POLDIP3: variants seen among roughly 807,000 people sequenced by gnomAD.
POLDIP3 encodes polymerase delta-interacting protein 3.
Under a neutral mutation model 45.1 loss-of-function variants are expected in POLDIP3, and 14 were observed. The observed-to-expected ratio is 0.31, with a 90% CI of 0.20 to 0.49. POLDIP3 has a LOEUF of 0.49. Among genes scored for constraint, POLDIP3 ranks in the 20% least tolerant of loss-of-function variants. The probability of loss-of-function intolerance (pLI) is 0.99; values close to 1 mark genes in which losing one functional copy is unlikely to be tolerated. For synonymous variants in POLDIP3, 223 were observed against 205.2 expected (o/e 1.09, Z -0.74); for missense variants, 511 against 538.8 (o/e 0.95, Z 0.51).
Position 42,603,158 on chromosome 22 carries a change from A to C in POLDIP3, c.62T>G (p.Leu21Arg), listed in dbSNP as rs1298264174. 1 of 1,612,998 alleles carries C rather than the reference A, an allele frequency of 6.2e-7. No homozygotes were observed. The highest frequency in any genetic ancestry group is 8.5e-7 in the Non-Finnish European group (1 of 1,179,208). ...ACCTCCAACTCCCGGTCTGGCATTAAGCCTGTAAATATAAATTGCAATCAA... is the reference window on the plus strand; with the variant it reads ...ACCTCCAACTCCCGGTCTGGCATTACGCCTGTAAATATAAATTGCAATCAA... ...RKRGAAAKGR[L>R]NARPGVGGVR... Residue 21 changes from leucine (L) to arginine (R), a missense_variant and splice_region_variant, in exon 2 of 9, where the codon CTT becomes CGT. Physicochemically the swap from Leu to Arg is moderately radical, Grantham distance 102. Around this residue, in one of 4 missense-constraint regions of POLDIP3, gnomAD observed 378 missense variants for 352.3 expected, o/e 1.07. Transcript: ENST00000252115.
In POLDIP3 at chr22:42,583,780, T is replaced by G. The variant is rs2146791903; in HGVS notation, c.*2011A>C. 1 of 152,548 alleles carries G rather than the reference T, an allele frequency of 6.6e-6. No individual in the cohort carries two copies. The highest frequency in any genetic ancestry group is 1.9e-4 in the East Asian group (1 of 5,180). The allele number at this position is 152,548 out of a possible 1,614,324, so 9.4% of individuals were successfully genotyped here. ...GTAATACATAATCACCCTTCATCTC[T>G]TAATGCCCCTTCCTCTCCTTCTGCA... On this transcript the variant is annotated 3_prime_UTR_variant, in exon 9 of 9. Transcript: ENST00000252115.
chr22:42,609,656 G>C (rs1014234637), intron 1 of POLDIP3, among the ~76,000 whole-genome samples: 2 of 152,140 alleles, frequency 1.3e-5, no homozygotes, highest in Non-Finnish European at 2.9e-5. Flanking sequence ...GGGAGGCAGA[G>C]GTTGCCATGA....
Position 42,584,336 on chromosome 22 carries a change from C to T in POLDIP3, c.*1455G>A, listed in dbSNP as rs41277253. On this transcript the variant is annotated 3_prime_UTR_variant, in exon 9 of 9. Coordinates refer to ENST00000252115, the MANE Select transcript of POLDIP3 (RefSeq NM_032311.5). ...GTCCTGGGCAGCCTCAGAGCCTGCA[C>T]ACTGAAGCTGGGTTCAAATCCTGGG... 22 of 158,376 alleles carry T rather than the reference C, an allele frequency of 1.4e-4. No individual in the cohort carries two copies. Among genetic ancestry groups the T allele is most frequent in the Admixed American group, 1.2e-3 (21 of 16,958 alleles). The allele number at this position is 158,376 out of a possible 1,614,324, so 9.8% of individuals were successfully genotyped here.
chr22:42,609,136 C>G (rs909761310), intron 1 of POLDIP3, among the ~76,000 whole-genome samples: 1 of 152,192 alleles, frequency 6.6e-6, no homozygotes, highest in Admixed American at 6.5e-5. Context: ...TTTACAAAGC[C>G]CAACCCCTGG....
chr22:42,611,623 G>A (rs1197023131), intron 1 of POLDIP3, among the ~76,000 whole-genome samples: 1 of 152,176 alleles, frequency 6.6e-6, no homozygotes, highest in African/African-American at 2.4e-5. Flanking sequence ...GCCAGGCACG[G>A]TGGCACTTTG....
At position 42,584,158 on chromosome 22, in the gene POLDIP3, C is replaced by A. The variant is rs890298525; in HGVS notation, c.*1633G>T. Reference sequence around the variant, plus strand: ...CAGGTCCTACTGCCTTCTGGATGCTCTCTTGGGCCAGGAAGGGAAAAGTGT... The same window carrying A: ...CAGGTCCTACTGCCTTCTGGATGCTATCTTGGGCCAGGAAGGGAAAAGTGT... On this transcript the variant is annotated 3_prime_UTR_variant, in exon 9 of 9. Transcript: ENST00000252115. 5 of 152,872 alleles carry A rather than the reference C, an allele frequency of 3.3e-5. No homozygotes were observed. The highest frequency in any genetic ancestry group is 1.2e-4 in the African/African-American group (5 of 41,450). The allele number at this position is 152,872 out of a possible 1,614,324, so 9.5% of individuals were successfully genotyped here.
At chr22:42,599,106 T>G (rs917949460) in intron 4 of POLDIP3, among the ~76,000 whole-genome samples, 2 of 152,150 alleles carry the variant, frequency 1.3e-5, no homozygotes, top group African/African-American at 4.8e-5. Context: ...GAACACAGAC[T>G]CCCCACTGTG....
chr22:42,600,143 G>A (rs4822173), intron 3 of POLDIP3, among the ~76,000 whole-genome samples: 17,441 of 152,174 alleles, frequency 0.11, 1,239 homozygotes, highest in Admixed American at 0.18. Context: ...CCTAGAAAGA[G>A]CTTTATTTAC....
chr22:42,602,942 T>C lies in POLDIP3; in HGVS notation c.278A>G (p.Asp93Gly). The C allele has an allele frequency of 6.2e-7, 1 of 1,614,084 alleles. No homozygotes were observed. Among genetic ancestry groups the C allele is most frequent in the Non-Finnish European group, 8.5e-7 (1 of 1,180,018 alleles). The change falls in exon 2 of 9, where the codon GAT becomes GGT. Residue 93 changes from aspartate to glycine, a missense_variant. By Grantham distance (94) the Asp-to-Gly change is moderately conservative (BLOSUM62 -1). Around this residue, in one of 4 missense-constraint regions of POLDIP3, gnomAD observed 378 missense variants for 352.3 expected, o/e 1.07. Transcript: ENST00000252115. ...ARFRIKGKVQ[D>G]AREMLNSRKQ... is the part of the protein sequence containing the mutation. ...GCGAGAGTTCAACATCTCTCTGGCA[T>C]CCTGCACTTTCCCTTTGATTCGAAA...
intron 1 of POLDIP3, among the ~76,000 whole-genome samples, chr22:42,614,232 G>A (rs1254942509): frequency 1.3e-5 from 2 of 152,198 alleles, no homozygotes; most frequent in East Asian, 1.9e-4. Flanking sequence ...GCAGACAACA[G>A]GACTGTAAAA....
At chr22:42,608,262 C>T (rs538394885) in intron 1 of POLDIP3, among the ~76,000 whole-genome samples, 1 of 131,162 alleles carries the variant, frequency 7.6e-6, no homozygotes, top group Non-Finnish European at 1.6e-5. Context: ...TACCCCCCCC[C>T]CCAAAAAAAA....
intron 3 of POLDIP3, among the ~76,000 whole-genome samples, chr22:42,601,690 G>A (rs1230920703): frequency 1.3e-5 from 2 of 152,224 alleles, no homozygotes; most frequent in East Asian, 3.8e-4. Context: ...GAACCCGGGA[G>A]GCAGAGGTTG....
intron 4 of POLDIP3, 44 bp downstream of exon 4, chr22:42,599,654 T>C (rs755008417): frequency 4.6e-5 from 65 of 1,411,118 alleles, no homozygotes; most frequent in Non-Finnish European, 6.3e-5. Context: ...CTCTCCCACC[T>C]GCCTGATCAG....
chr22:42,599,702 T>C lies in POLDIP3; in HGVS notation c.629A>G (p.His210Arg). 4 of 1,597,898 alleles carry C rather than the reference T, an allele frequency of 2.5e-6. No homozygotes were observed. The highest frequency in any genetic ancestry group is 3.4e-6 in the Non-Finnish European group (4 of 1,165,470). ...KFAASGGFLH[H>R]MAGLSSSKLS... ...AGAAAACATGAAATGCCATACCATG[T>C]GGTGGAGAAAGCCGCCTGAGGCTGC... The change falls in exon 4 of 9, where the codon CAC (histidine) becomes CGC (arginine). Residue 210 changes from histidine to arginine, a missense_variant. By Grantham distance (29) the His-to-Arg change is conservative. Transcript: ENST00000252115.
At chr22:42,598,502 C>T (rs1375554005) in intron 4 of POLDIP3, among the ~76,000 whole-genome samples, 4 of 152,106 alleles carry the variant, frequency 2.6e-5, no homozygotes, top group East Asian at 1.9e-4. Flanking sequence ...CCACCCACCT[C>T]GGCCTCCGAA....
At position 42,599,690 on chromosome 22, in the gene POLDIP3, TG is replaced by T; in HGVS notation, c.633+7del. On this transcript the variant is annotated splice_region_variant and intron_variant, in intron 4 of 8. Coordinates refer to ENST00000252115, the MANE Select transcript of POLDIP3 (RefSeq NM_032311.5). Reference sequence around the variant, plus strand: ...ACACGCAGTGTAAGAAAACATGAAATGCCATACCATGTGGTGGAGAAAGCCG... The same window carrying T: ...ACACGCAGTGTAAGAAAACATGAAATCCATACCATGTGGTGGAGAAAGCCG... 6.3e-7 allele frequency: 1 copy of T among 1,581,954 alleles called. No individual in the cohort carries two copies. The highest frequency in any genetic ancestry group is 8.7e-7 in the Non-Finnish European group (1 of 1,151,170).
In POLDIP3 at chr22:42,602,970, G is replaced by A; in HGVS notation, c.250C>T (p.Arg84Ter). Residue 84 changes from arginine to a stop codon, truncating the protein, a stop_gained, in exon 2 of 9, where the codon CGA (arginine) becomes TGA (stop). Coordinates refer to ENST00000252115, the MANE Select transcript of POLDIP3 (RefSeq NM_032311.5). LOFTEE classifies it high-confidence loss of function. ...TGCACTTTCCCTTTGATTCGAAATC[G>A]GGCATCTTTCTGCAAAAGCTTCTCC... ...AREKLLQKDA[R>*]FRIKGKVQDA... The A allele has an allele frequency of 4.3e-6, 7 of 1,613,974 alleles. No individual in the cohort carries two copies. The highest frequency in any genetic ancestry group is 5.9e-6 in the Non-Finnish European group (7 of 1,180,016).
chr22:42,592,783 C>T (rs1003085055), intron 6 of POLDIP3, among the ~76,000 whole-genome samples: 2 of 152,104 alleles, frequency 1.3e-5, no homozygotes, highest in African/African-American at 2.4e-5. Context: ...TCATTGAGTC[C>T]GATCTCCACC....
intron 1 of POLDIP3, among the ~76,000 whole-genome samples, chr22:42,608,699 A>T (rs945857449): frequency 6.6e-6 from 1 of 152,074 alleles, no homozygotes; most frequent in African/African-American, 2.4e-5. Context: ...CTCGCATACC[A>T]CAATGCCTGC....
Sources: allele counts gnomAD v4.1 joint callset (sites outside exome capture counted in the v4.1 genomes callset), GRCh38; gene constraint gnomAD v4.1.1; regional missense constraint gnomAD v4.1.1; transcripts MANE v1.5; gene names NCBI Gene and HGNC (gene_info 2026-07-23, HGNC 2026-07-21).